Variants in TEC observed in about 807,000 individuals in gnomAD.
TEC encodes the protein tyrosine-protein kinase Tec.
TEC carries 72 observed loss-of-function variants against 93.0 expected under a neutral mutation model. The observed-to-expected ratio is 0.77, with a 90% confidence interval of 0.64 to 0.94. The LOEUF is 0.94. TEC is among the 40% of genes least tolerant of loss of function. TEC has a pLI of 0.00. For missense variants in TEC, 630 were observed against 757.9 expected (o/e 0.83, Z 1.98); for synonymous variants, 249 against 247.7 (o/e 1.01, Z -0.05).
At chr4:48,267,106 G>A (rs1724659344) in intron 1 of TEC, among the ~76,000 whole-genome samples, 1 of 152,194 alleles carries the variant, frequency 6.6e-6, no homozygotes, top group Admixed American at 6.5e-5. Context: ...TGGAAAGGGA[G>A]AAATGTAACT....
At chr4:48,229,337 A>C (rs1723579366) in intron 1 of TEC, among the ~76,000 whole-genome samples, 1 of 152,220 alleles carries the variant, frequency 6.6e-6, no homozygotes, top group Non-Finnish European at 1.5e-5. Context: ...CAGCCCTTTA[A>C]CTCCAGACTA....
intron 1 of TEC, among the ~76,000 whole-genome samples, chr4:48,241,215 G>T (rs1178284062): frequency 6.8e-6 from 1 of 146,262 alleles, no homozygotes; most frequent in African/African-American, 2.5e-5. Context: ...TGCTGTTTCT[G>T]TTTTTTTTTT....
chr4:48,142,922 T>C (rs898533643), intron 14 of TEC, among the ~76,000 whole-genome samples: 2 of 152,164 alleles, frequency 1.3e-5, no homozygotes, highest in Admixed American at 6.5e-5. Context: ...GACTTCGTGA[T>C]CCGCCCGCCT....
Position 48,145,496 on chromosome 4 carries a change from A to G in TEC, c.1165T>C (p.Trp389Arg), listed in dbSNP as rs199646567. The G allele has an allele frequency of 3.5e-5, 57 of 1,613,986 alleles. No individual in the cohort carries two copies. The Admixed American group carries it at 5.2e-4, about 15-fold the overall frequency. Residue 389 changes from tryptophan (W) to arginine (R), a missense_variant, in exon 13 of 18, where the codon TGG becomes CGG. Trp to Arg is a moderately radical substitution (Grantham distance 101). This residue lies in a region of TEC where 289 missense variants were observed against 390.0 expected (regional missense o/e 0.74). Coordinates refer to ENST00000381501, the MANE Select transcript of TEC (RefSeq NM_003215.3). ...ATTGCGACTTTGTACTGGGCTCGCC[A>G]TTTGCCAAGCCTCACCACTCCAAAC... is the stretch of plus-strand genomic sequence containing the variant. ...GLFGVVRLGK[W>R]RAQYKVAIKA...
chr4:48,188,504 A>C (rs1240392249), intron 2 of TEC, among the ~76,000 whole-genome samples: 1 of 152,296 alleles, frequency 6.6e-6, no homozygotes, highest in African/African-American at 2.4e-5. Flanking sequence ...CAACAAGAAG[A>C]AGCAAACCTT....
chr4:48,241,021 T>C (rs1189282035), intron 1 of TEC, among the ~76,000 whole-genome samples: 1 of 152,076 alleles, frequency 6.6e-6, no homozygotes, highest in Non-Finnish European at 1.5e-5. Flanking sequence ...TTGTAACAAA[T>C]AAAAATTATC....
chr4:48,155,611 G>A (rs183050061), intron 9 of TEC, among the ~76,000 whole-genome samples: 41 of 152,324 alleles, frequency 2.7e-4, no homozygotes, highest in Admixed American at 1.2e-3. Flanking sequence ...AATAGAGACA[G>A]CAGTATCTAA....
chr4:48,156,823 A>C, intron 8 of TEC, 89 bp from the exon 9 acceptor site: 1 of 990,224 alleles, frequency 1.0e-6, no homozygotes, highest in African/African-American at 1.7e-5. Context: ...TCTGCTCATC[A>C]ATAATAAATA....
chr4:48,225,790 T>C lies in TEC; in HGVS notation c.138+2687A>G, dbSNP rs62309354. Among the ~76,000 whole-genome samples the C allele has an allele frequency of 5.3e-3, 810 of 152,078 alleles. 4 individuals are homozygous for C. The highest frequency in any genetic ancestry group is 0.01 in the Middle Eastern group (3 of 294). ...AAATCTGTGACCACATTTCAAGGCATAGGTCACAAGTATGCCAGTGAATGT... is the reference window on the plus strand; with the variant it reads ...AAATCTGTGACCACATTTCAAGGCACAGGTCACAAGTATGCCAGTGAATGT... On this transcript the variant is annotated intron_variant, in intron 2 of 17. Coordinates refer to ENST00000381501, the MANE Select transcript of TEC (RefSeq NM_003215.3).
At chr4:48,150,537 T>C (rs1028906862) in intron 10 of TEC, among the ~76,000 whole-genome samples, 3 of 152,162 alleles carry the variant, frequency 2.0e-5, no homozygotes, top group East Asian at 1.9e-4. Flanking sequence ...GGCTGCAGCA[T>C]CTACTAACCT....
chr4:48,186,675 G>A (rs1304211631), intron 2 of TEC, among the ~76,000 whole-genome samples: 1 of 151,822 alleles, frequency 6.6e-6, no homozygotes, highest in Non-Finnish European at 1.5e-5. Flanking sequence ...CCCCGTCTGC[G>A]AAGTGAGGAG....
intron 2 of TEC, among the ~76,000 whole-genome samples, chr4:48,216,238 C>T (rs1308188256): frequency 7.8e-6 from 1 of 127,978 alleles, no homozygotes; most frequent in Non-Finnish European, 1.7e-5. Flanking sequence ...AATCTCTACG[C>T]CCCAGGAAAA....
intron 1 of TEC, among the ~76,000 whole-genome samples, chr4:48,265,341 GA>G (rs1724604672): frequency 6.7e-6 from 1 of 149,592 alleles, no homozygotes; most frequent in Admixed American, 6.7e-5. Flanking sequence ...CACAGACACA[GA>G]AAATAGAGGG....
In TEC at chr4:48,213,741, TG is replaced by T. The variant is rs1245123945; in HGVS notation, c.138+14735del. Among the ~76,000 whole-genome samples, 12 of 152,328 alleles carry T rather than the reference TG, an allele frequency of 7.9e-5. No homozygotes were observed. The East Asian group carries it at 2.1e-3, about 27-fold the overall frequency. The stretch of plus-strand genomic sequence containing the variant: ...TTTATAATAATGTCCACATCTAGTT[TG>T]GGGGAGAGATTAATACTAATAAATA... On this transcript the variant is annotated intron_variant, in intron 2 of 17. Transcript: ENST00000381501.
chr4:48,157,660 C>A (rs965186718), intron 8 of TEC, among the ~76,000 whole-genome samples: 2 of 152,196 alleles, frequency 1.3e-5, no homozygotes, highest in African/African-American at 4.8e-5. Context: ...GAATTATAGG[C>A]ATGCGCCACC....
chr4:48,230,839 A>G (rs1723625608), intron 1 of TEC, among the ~76,000 whole-genome samples: 1 of 152,168 alleles, frequency 6.6e-6, no homozygotes, highest in South Asian at 2.1e-4. Flanking sequence ...CCACCTGTGA[A>G]GATATACCAG....
rs1483124087 is a variant in TEC at position 48,170,241 on chromosome 4, T to C, written c.454+7A>G. 1.3e-6 allele frequency: 2 copies of C among 1,580,298 alleles called. No homozygotes were observed. The highest frequency in any genetic ancestry group is 1.7e-6 in the Non-Finnish European group (2 of 1,155,536). On this transcript the variant is annotated splice_region_variant and intron_variant, in intron 5 of 17. Transcript: ENST00000381501. ...CAATATAATTATGGAATAAAATGAA[T>C]ACTTACTGCTCTCAAAAAGATTGTA...
At chr4:48,213,108 G>T (rs528352577) in intron 2 of TEC, among the ~76,000 whole-genome samples, 3 of 152,080 alleles carry the variant, frequency 2.0e-5, no homozygotes, top group Non-Finnish European at 1.5e-5. Context: ...TTTCGTAGTC[G>T]CAAATAAAAT....
intron 2 of TEC, among the ~76,000 whole-genome samples, chr4:48,193,760 G>A (rs1722178608): frequency 6.8e-6 from 1 of 147,484 alleles, no homozygotes; most frequent in Non-Finnish European, 1.5e-5. Context: ...TGTCCAGTAA[G>A]CACTTCATGT....
Sources: allele counts gnomAD v4.1 joint callset (sites outside exome capture counted in the v4.1 genomes callset), GRCh38; gene constraint gnomAD v4.1.1; regional missense constraint gnomAD v4.1.1; transcripts MANE v1.5; gene names NCBI Gene and HGNC (gene_info 2026-07-23, HGNC 2026-07-21).